RALGAPA1: variants seen among roughly 807,000 people sequenced by gnomAD.
The protein encoded by RALGAPA1 is ral GTPase-activating protein subunit alpha-1.
In RALGAPA1, 52 loss-of-function variants were observed where a neutral mutation model predicts 269.6. That is an observed-to-expected ratio of 0.19 (90% CI 0.15 to 0.24). The LOEUF is 0.24. Ranked by LOEUF, RALGAPA1 falls within the 10% of genes least tolerant of loss-of-function variation. The pLI, the probability that RALGAPA1 is intolerant of heterozygous loss-of-function variation, is 1.00. For missense variants in RALGAPA1, 1,917 were observed against 3,013.9 expected, an observed-to-expected ratio of 0.64 and a Z score of 8.52; for synonymous variants, 817 against 1,008.3, an observed-to-expected ratio of 0.81 and a Z score of 3.60.
chr14:35,727,566 T>C (rs147674849), intron 13 of RALGAPA1, among the ~76,000 whole-genome samples: 3,306 of 151,842 alleles, frequency 0.022, 124 homozygotes, highest in African/African-American at 0.075. Context: ...TAGACAACTA[T>C]TTATAGAGCA....
chr14:35,762,617 T>C lies in RALGAPA1; in HGVS notation c.369+93A>G, dbSNP rs557161439. 29 of 789,244 alleles carry C rather than the reference T, an allele frequency of 3.7e-5. No homozygotes were observed. The East Asian group carries it at 6.9e-4, about 19-fold the overall frequency. 48.9% of individuals were successfully genotyped at this position (789,244 alleles called of 1,614,324 possible). A position where few individuals can be genotyped will look rare whatever the true frequency, so the allele number is the denominator to read the frequency against. On this transcript the variant is annotated intron_variant, in intron 5 of 41. Transcript: ENST00000680220. ...TAAACTGAAGACAATTCAGAGATCTTTAGGAAAAAGCTTAGGTAGGAAAAG... is the reference window on the plus strand; with the variant it reads ...TAAACTGAAGACAATTCAGAGATCTCTAGGAAAAAGCTTAGGTAGGAAAAG...
At chr14:35,691,625 C>T (rs2066492436) in intron 17 of RALGAPA1, among the ~76,000 whole-genome samples, 1 of 152,254 alleles carries the variant, frequency 6.6e-6, no homozygotes, top group East Asian at 1.9e-4. Context: ...TGGAGATAGT[C>T]ATTCAAAGTA....
intron 39 of RALGAPA1, among the ~76,000 whole-genome samples, chr14:35,566,307 G>A (rs980091970): frequency 6.6e-6 from 1 of 152,106 alleles, no homozygotes; most frequent in Non-Finnish European, 1.5e-5. Context: ...GGTAGCATAT[G>A]ACAATCAATA....
intron 35 of RALGAPA1, among the ~76,000 whole-genome samples, chr14:35,623,074 C>T (rs544201233): frequency 2.0e-4 from 27 of 132,260 alleles, no homozygotes; most frequent in African/African-American, 8.4e-4. Context: ...CAGAGGAAGA[C>T]TCTGTCTCAA....
At chr14:35,748,209 G>A (rs1422995824) in intron 10 of RALGAPA1, among the ~76,000 whole-genome samples, 2 of 151,738 alleles carry the variant, frequency 1.3e-5, no homozygotes, top group Admixed American at 6.6e-5. Flanking sequence ...GAAAATACTA[G>A]AGGATTAGAT....
chr14:35,765,797 A>C, intron 4 of RALGAPA1: 1 of 500,406 alleles, frequency 2.0e-6, no homozygotes, highest in Non-Finnish European at 3.6e-6. Context: ...CAGCCAGCCA[A>C]AAATTACTGT....
At position 35,688,649 on chromosome 14, in the gene RALGAPA1, A is replaced by C. The variant is rs2066186866; in HGVS notation, c.3762T>G (p.Thr1254=). The change falls in exon 18 of 42, where the codon ACT becomes ACG. Residue 1254 remains threonine (T), a synonymous_variant. Coordinates refer to ENST00000680220, the MANE Select transcript of RALGAPA1 (RefSeq NM_001346249.2). ...IASSQLGSRS[T]LRSSSHEAGL... The stretch of plus-strand genomic sequence containing the variant: ...CTGCCTCATGACTTGATGACCTAAG[A>C]GTACTACGACTACCTAATTGACTAC... 2.6e-6 allele frequency: 4 copies of C among 1,527,548 alleles called. No individual in the cohort carries two copies. The South Asian group carries it at 3.6e-5, about 14-fold the overall frequency. The allele number at this position is 1,527,548 out of a possible 1,614,324, so 94.6% of individuals were successfully genotyped here.
At chr14:35,586,470 G>C (rs768235301) in intron 37 of RALGAPA1, among the ~76,000 whole-genome samples, 6 of 152,148 alleles carry the variant, frequency 3.9e-5, no homozygotes, top group Non-Finnish European at 8.8e-5. Flanking sequence ...GCCCTGGCCA[G>C]AACTTCCAAC....
At chr14:35,636,573 T>C (rs1419817569) in intron 31 of RALGAPA1, among the ~76,000 whole-genome samples, 2 of 152,180 alleles carry the variant, frequency 1.3e-5, no homozygotes, top group Admixed American at 6.5e-5. Context: ...CAGGCTGGAG[T>C]GCAGTGGCAT....
chr14:35,587,806 A>T (rs1381682917), intron 37 of RALGAPA1, among the ~76,000 whole-genome samples: 1 of 152,226 alleles, frequency 6.6e-6, no homozygotes, highest in Non-Finnish European at 1.5e-5. Flanking sequence ...AACATGGCAC[A>T]TGTATACATA....
chr14:35,559,210 CATT>C (rs763189667), intron 39 of RALGAPA1, among the ~76,000 whole-genome samples: 22 of 152,058 alleles, frequency 1.4e-4, no homozygotes, highest in African/African-American at 3.1e-4. Flanking sequence ...ATTTTAATTC[CATT>C]ATTATTAAAA....
chr14:35,670,245 A>C (rs2064290613), intron 26 of RALGAPA1, among the ~76,000 whole-genome samples: 1 of 152,162 alleles, frequency 6.6e-6, no homozygotes, highest in Non-Finnish European at 1.5e-5. Flanking sequence ...TCTATTCACT[A>C]TTGATCTTTC....
At chr14:35,762,664 T>A (rs1401485150) in intron 5 of RALGAPA1, 46 bp downstream of exon 5, 1 of 1,077,678 alleles carries the variant, frequency 9.3e-7, no homozygotes, top group Admixed American at 1.7e-5. Flanking sequence ...GGGATGTATG[T>A]TCTACTCAGT....
chr14:35,774,905 T>A (rs1434583694), intron 3 of RALGAPA1, 101 bp downstream of exon 3: 2 of 731,564 alleles, frequency 2.7e-6, no homozygotes, highest in Admixed American at 3.0e-5. Context: ...GCTGGCAAAT[T>A]CAGAGTGTTT....
intron 22 of RALGAPA1, chr14:35,677,678 A>G: frequency 2.9e-6 from 1 of 346,784 alleles, no homozygotes; most frequent in Non-Finnish European, 5.2e-6. Context: ...AGGAAACACT[A>G]CCAATATCAA....
chr14:35,561,617 C>T (rs1006084748), intron 39 of RALGAPA1, among the ~76,000 whole-genome samples: 1 of 142,308 alleles, frequency 7.0e-6, no homozygotes, highest in Non-Finnish European at 1.5e-5. Flanking sequence ...AAGCAATTCT[C>T]ATCCCTCAAG....
At position 35,797,806 on chromosome 14, in the gene RALGAPA1, T is replaced by C. The variant is rs189789584; in HGVS notation, c.106+10924A>G. Among the ~76,000 whole-genome samples, 6 of 150,408 alleles carry C rather than the reference T, an allele frequency of 4.0e-5. No individual in the cohort carries two copies. The East Asian group carries it at 1.0e-3, about 25-fold the overall frequency. On this transcript the variant is annotated intron_variant, in intron 1 of 41. Transcript: ENST00000680220. ...GTTGCAGTGAGCCGAGATCCTACCA[T>C]TGCACTCTGGCCTGGGAAACGAGCA...
intron 1 of RALGAPA1, among the ~76,000 whole-genome samples, chr14:35,800,197 A>T (rs1349517902): frequency 6.6e-6 from 1 of 152,258 alleles, no homozygotes; most frequent in African/African-American, 2.4e-5. Context: ...ACAGAAATTC[A>T]GTAAGGACAG....
chr14:35,715,642 T>C, intron 16 of RALGAPA1: 1 of 801,362 alleles, frequency 1.2e-6, no homozygotes, highest in Non-Finnish European at 1.5e-6. Flanking sequence ...GAGGCCTAAC[T>C]GAGAGTGAAT....
Sources: allele counts gnomAD v4.1 joint callset (sites outside exome capture counted in the v4.1 genomes callset), GRCh38; gene constraint gnomAD v4.1.1; transcripts MANE v1.5; gene names NCBI Gene and HGNC (gene_info 2026-07-23, HGNC 2026-07-21).